CRMP1: variants seen among roughly 807,000 people sequenced by gnomAD.
The protein encoded by CRMP1 is dihydropyrimidinase-related protein 1.
Under a neutral mutation model 68.3 loss-of-function variants are expected in CRMP1, and 19 were observed. The ratio of observed to expected loss-of-function variants is 0.28; its 90% CI spans 0.19 to 0.41. The LOEUF (loss-of-function observed/expected upper bound fraction) is 0.41, where lower values mean the gene tolerates loss of function less well. CRMP1 is among the 10% of genes least tolerant of loss of function. The pLI is 1.00. For missense variants in CRMP1, 791 were observed against 967.4 expected (o/e 0.82, Z 2.42); for synonymous variants, 439 against 399.6 (o/e 1.10, Z -1.18).
At chr4:5,840,890 T>C (rs1466870298) in intron 8 of CRMP1, among the ~76,000 whole-genome samples, 2 of 152,176 alleles carry the variant, frequency 1.3e-5, no homozygotes, top group African/African-American at 2.4e-5. Context: ...ACAGCTGCTC[T>C]GTCCAATAAG....
intron 11 of CRMP1, 67 bp from the exon 12 acceptor site, chr4:5,828,735 C>T (rs1386759480): frequency 1.9e-5 from 29 of 1,544,174 alleles, no homozygotes; most frequent in Non-Finnish European, 2.4e-5. Context: ...TTCATAACAG[C>T]GATTTTGCCT....
chr4:5,871,757 G>A (rs1476222993), intron 1 of CRMP1, among the ~76,000 whole-genome samples: 2 of 152,222 alleles, frequency 1.3e-5, no homozygotes, highest in African/African-American at 2.4e-5. Context: ...TGCCTCTGCT[G>A]ATATTTGATA....
At chr4:5,880,504 A>T (rs1356993707) in intron 1 of CRMP1, among the ~76,000 whole-genome samples, 1 of 152,084 alleles carries the variant, frequency 6.6e-6, no homozygotes, top group Non-Finnish European at 1.5e-5. Flanking sequence ...CATGGAATTG[A>T]CTCCAAGTTC....
intron 13 of CRMP1, chr4:5,824,377 T>C (rs1719188837): frequency 6.1e-6 from 6 of 985,290 alleles, no homozygotes; most frequent in African/African-American, 1.7e-5. Context: ...GTGAGATGAA[T>C]GGGGAGGCCT....
At position 5,887,411 on chromosome 4, in the gene CRMP1, C is replaced by T. The variant is rs1016725104; in HGVS notation, c.381+5178G>A. ...TACATGGGCTCCAGTGGTCCGCATCCCTCAGGAACAGTCAGGCTCCACGCT... is the reference window on the plus strand; with the variant it reads ...TACATGGGCTCCAGTGGTCCGCATCTCTCAGGAACAGTCAGGCTCCACGCT... On this transcript the variant is annotated intron_variant, in intron 1 of 13. Transcript: ENST00000324989. 9.1e-6 allele frequency: 9 copies of T among 985,462 alleles called. No homozygotes were observed. The African/African-American group carries it at 1.6e-4, about 17-fold the overall frequency. 61.0% of individuals were successfully genotyped at this position (985,462 alleles called of 1,614,324 possible).
At chr4:5,828,875 C>T (rs530332793) in intron 11 of CRMP1, among the ~76,000 whole-genome samples, 2 of 152,046 alleles carry the variant, frequency 1.3e-5, no homozygotes, top group African/African-American at 2.4e-5. Flanking sequence ...TGTAGGCTGC[C>T]GGTGGCTTTC....
rs568079503 is a variant in CRMP1 at position 5,834,808 on chromosome 4, A to G, written c.1623+1107T>C. ...ATCTCAGGCACCCCGTTCCCTGGAG[A>G]TGGGGGCTGTGGGAAGCAAGTAGTG... On this transcript the variant is annotated intron_variant, in intron 11 of 13. Coordinates refer to ENST00000324989, the MANE Select transcript of CRMP1 (RefSeq NM_001014809.3). The surrounding 1 kb of genome is among the most constrained non-coding windows in gnomAD (Gnocchi z 4.3). Among the ~76,000 whole-genome samples the G allele has an allele frequency of 6.6e-6, 1 of 151,970 alleles. No homozygotes were observed. Among genetic ancestry groups the G allele is most frequent in the East Asian group, 1.9e-4 (1 of 5,180 alleles).
Position 5,825,280 on chromosome 4 carries a change from C to T in CRMP1, c.1969+214G>A, listed in dbSNP as rs1439257687. On this transcript the variant is annotated intron_variant, in intron 13 of 13. Transcript: ENST00000324989. This position sits in a 1 kb window ranked among gnomAD's most constrained non-coding sequence, Gnocchi z 4.4. ...TTTGTAAACCCACATCAGGTACCAC[C>T]ATGTTGCCCCCCTAACATGGACCCC... 1 of 985,304 alleles carries T rather than the reference C, an allele frequency of 1.0e-6. No individual in the cohort carries two copies. Among genetic ancestry groups the T allele is most frequent in the South Asian group, 4.7e-5 (1 of 21,282 alleles). The allele number at this position is 985,304 out of a possible 1,614,324, so 61.0% of individuals were successfully genotyped here.
At position 5,854,375 on chromosome 4, in the gene CRMP1, G is replaced by A. The variant is rs1325844918; in HGVS notation, c.820+1768C>T. ...GCTCAGCCTCCCAAGTAGCTGGGAG[G>A]CGTACACCACCACTCCTGGCTATGT... On this transcript the variant is annotated intron_variant, in intron 4 of 13. Coordinates refer to ENST00000324989, the MANE Select transcript of CRMP1 (RefSeq NM_001014809.3). This position sits in a 1 kb window ranked among gnomAD's most constrained non-coding sequence, Gnocchi z 4.0. 6.7e-6 allele frequency among the ~76,000 whole-genome samples: 1 copy of A among 149,064 alleles called. No individual in the cohort carries two copies. Among genetic ancestry groups the A allele is most frequent in the Non-Finnish European group, 1.5e-5 (1 of 67,572 alleles).
At chr4:5,856,098 A>T in intron 4 of CRMP1, 45 bp downstream of exon 4, 2 of 1,603,982 alleles carry the variant, frequency 1.2e-6, no homozygotes, top group Non-Finnish European at 1.7e-6. Context: ...GATCTACCAA[A>T]GAACAAGGGA....
rs552888224 is a variant in CRMP1, at chr4:5,859,949, T to C, written c.655+1077A>G. ...TTGAAAGAACATTTACAATAAACTGTGGCCTATTTAATTAAAATTGCTTAT... is the reference window on the plus strand; with the variant it reads ...TTGAAAGAACATTTACAATAAACTGCGGCCTATTTAATTAAAATTGCTTAT... On this transcript the variant is annotated intron_variant, in intron 3 of 13. Transcript: ENST00000324989. This position sits in a 1 kb window ranked among gnomAD's most constrained non-coding sequence, Gnocchi z 5.2. 4.6e-5 allele frequency among the ~76,000 whole-genome samples: 7 copies of C among 152,152 alleles called. No homozygotes were observed. The highest frequency in any genetic ancestry group is 1.4e-4 in the African/African-American group (6 of 41,512).
Position 5,864,977 on chromosome 4 carries a change from G to A in CRMP1, c.470+1691C>T, listed in dbSNP as rs1346110536. 2.0e-5 allele frequency among the ~76,000 whole-genome samples: 3 copies of A among 151,338 alleles called. No individual in the cohort carries two copies. In the East Asian group the frequency reaches 5.9e-4, roughly 30 times the overall value. ...GGTGGGCTGGGGGGAGGCAGGGAGGGCTCAACTGTTCTGGGTATCCCTCTT... is the reference window on the plus strand; with the variant it reads ...GGTGGGCTGGGGGGAGGCAGGGAGGACTCAACTGTTCTGGGTATCCCTCTT... On this transcript the variant is annotated intron_variant, in intron 2 of 13. Transcript: ENST00000324989.
At chr4:5,851,361 C>T (rs748100570) in intron 5 of CRMP1, 47 bp downstream of exon 5, 2 of 1,572,962 alleles carry the variant, frequency 1.3e-6, no homozygotes, top group African/African-American at 1.3e-5. Flanking sequence ...AAAGCTGGCC[C>T]AGTCCTGCCC....
Position 5,821,071 on chromosome 4 carries a change from C to T in CRMP1, c.*689G>A, listed in dbSNP as rs956459222. ...CTAGAGCTGGCTTGAAGAACACACA[C>T]AGACCAGAAGACAGCACGGTGAGTT... On this transcript the variant is annotated 3_prime_UTR_variant, in exon 14 of 14. Coordinates refer to ENST00000324989, the MANE Select transcript of CRMP1 (RefSeq NM_001014809.3). This position sits in a 1 kb window ranked among gnomAD's most constrained non-coding sequence, Gnocchi z 4.4. 6.6e-6 allele frequency: 1 copy of T among 152,420 alleles called. No individual in the cohort carries two copies. The highest frequency in any genetic ancestry group is 2.1e-4 in the South Asian group (1 of 4,824). The allele number at this position is 152,420 out of a possible 1,614,324, so 9.4% of individuals were successfully genotyped here. A position where few individuals can be genotyped will look rare whatever the true frequency, so the allele number is the denominator to read the frequency against.
chr4:5,844,475 G>C (rs1410087215), intron 6 of CRMP1, among the ~76,000 whole-genome samples: 1 of 152,130 alleles, frequency 6.6e-6, no homozygotes, highest in Admixed American at 6.5e-5. Context: ...ACAAAGACGA[G>C]AGTAGGATTT....
chr4:5,825,341 C>T lies in CRMP1; in HGVS notation c.1969+153G>A, dbSNP rs1719377544. ...GTGACCATGCCAGCCCACTCTGCCC[C>T]ACCAGTGAGAGCAGGCTCGGGTGGG... On this transcript the variant is annotated intron_variant, in intron 13 of 13. Coordinates refer to ENST00000324989, the MANE Select transcript of CRMP1 (RefSeq NM_001014809.3). The surrounding 1 kb of genome is among the most constrained non-coding windows in gnomAD (Gnocchi z 4.4). 1 of 985,300 alleles carries T rather than the reference C, an allele frequency of 1.0e-6. No individual in the cohort carries two copies. The highest frequency in any genetic ancestry group is 1.7e-5 in the African/African-American group (1 of 57,310). 61.0% of individuals were successfully genotyped at this position (985,300 alleles called of 1,614,324 possible). A position where few individuals can be genotyped will look rare whatever the true frequency, so the allele number is the denominator to read the frequency against.
intron 1 of CRMP1, among the ~76,000 whole-genome samples, chr4:5,868,279 A>ATATATATATC: frequency 1.2e-5 from 1 of 86,874 alleles, no homozygotes; most frequent in South Asian, 3.5e-4. Context: ...ATATATATAT[A>ATATATATATC]TATATATATA....
rs763684187 is a variant in CRMP1 at position 5,841,297 on chromosome 4, C to T, written c.1153+11G>A. 8 of 1,613,500 alleles carry T rather than the reference C, an allele frequency of 5.0e-6. No homozygotes were observed. The highest frequency in any genetic ancestry group is 2.2e-5 in the East Asian group (1 of 44,812). On this transcript the variant is annotated intron_variant, in intron 8 of 13. Transcript: ENST00000324989. The surrounding 1 kb of genome is among the most constrained non-coding windows in gnomAD (Gnocchi z 6.9). ...CAGCTGCCCCCAGAAGGCCCAGGGC[C>T]GGCTGCATACCTTTCTTCCTGGCCA...
At chr4:5,849,270 C>A (rs534335178) in intron 6 of CRMP1, 122 bp downstream of exon 6, 46 of 756,526 alleles carry the variant, frequency 6.1e-5, no homozygotes, top group Non-Finnish European at 9.2e-5. Flanking sequence ...TGATATGACA[C>A]CCAGTTCCTG....
Sources: allele counts gnomAD v4.1 joint callset (sites outside exome capture counted in the v4.1 genomes callset), GRCh38; gene constraint gnomAD v4.1.1; non-coding constraint Gnocchi (gnomAD v3.1); transcripts MANE v1.5; gene names NCBI Gene and HGNC (gene_info 2026-07-23, HGNC 2026-07-21).